Variants in MRGPRF observed in about 807,000 individuals in gnomAD.
MRGPRF encodes MAS related GPR family member F, also known as mas-related G protein-coupled receptor member F.
A neutral mutation model predicts 3.3 loss-of-function variants in MRGPRF; 2 were observed. That is an observed-to-expected ratio of 0.61 (90% CI 0.25 to 1.92). The LOEUF (loss-of-function observed/expected upper bound fraction) is 1.92. Among genes scored for constraint, MRGPRF ranks in the 40% most tolerant of loss-of-function variants. MRGPRF has a pLI of 0.16. For synonymous variants in MRGPRF, 242 were observed against 222.7 expected, an observed-to-expected ratio of 1.09 and a Z score of -0.77; for missense variants, 500 against 476.0, an observed-to-expected ratio of 1.05 and a Z score of -0.47.
In MRGPRF at chr11:69,007,187, G is replaced by A. The variant is rs999418961; in HGVS notation, c.49-926C>T. Reference sequence around the variant, plus strand: ...AGATACAGGCTATTTGGGCATCAAGGGCTTGGTGTCTGCAATTTACTTTTG... The same window carrying A: ...AGATACAGGCTATTTGGGCATCAAGAGCTTGGTGTCTGCAATTTACTTTTG... On this transcript the variant is annotated intron_variant, in intron 2 of 2. Coordinates refer to ENST00000309099, the MANE Select transcript of MRGPRF (RefSeq NM_145015.5). Among the ~76,000 whole-genome samples the A allele has an allele frequency of 2.6e-5, 4 of 152,306 alleles. No individual in the cohort carries two copies. In the South Asian group the frequency reaches 8.3e-4, roughly 32 times the overall value.
chr11:69,013,254 G>A (rs913406296), upstream of MRGPRF: 1 of 152,424 alleles, frequency 6.6e-6, no homozygotes, highest in African/African-American at 2.4e-5. Flanking sequence ...GATGGCTTTG[G>A]AAGCAGAACC....
chr11:69,009,069 C>G (rs192006371), intron 2 of MRGPRF, among the ~76,000 whole-genome samples: 7 of 152,314 alleles, frequency 4.6e-5, no homozygotes, highest in Admixed American at 4.6e-4. Flanking sequence ...CTGCCTCCTG[C>G]GGCCGCCACT....
chr11:69,006,334 CGT>C (rs1307325216), intron 2 of MRGPRF, 73 bp from the exon 3 acceptor site: 2 of 1,073,040 alleles, frequency 1.9e-6, no homozygotes, highest in African/African-American at 5.1e-5. Context: ...TGGGGCCCAG[CGT>C]GGGGGAGGGG....
intron 2 of MRGPRF, 71 bp downstream of exon 2, chr11:69,009,783 C>T: frequency 1.3e-6 from 2 of 1,543,672 alleles, no homozygotes; most frequent in Non-Finnish European, 1.8e-6. Flanking sequence ...GGAGGAGATG[C>T]TGGGCTGGGT....
intron 2 of MRGPRF, among the ~76,000 whole-genome samples, chr11:69,007,522 C>T (rs962828437): frequency 6.6e-5 from 10 of 152,126 alleles, no homozygotes; most frequent in African/African-American, 2.4e-4. Context: ...AATTTACTTT[C>T]AAATCATTCT....
chr11:69,004,936 A>T lies in MRGPRF; in HGVS notation c.*342T>A. 1 of 265,282 alleles carries T rather than the reference A, an allele frequency of 3.8e-6. No homozygotes were observed. Among genetic ancestry groups the T allele is most frequent in the Non-Finnish European group, 7.1e-6 (1 of 140,364 alleles). The allele number at this position is 265,282 out of a possible 1,614,324, so 16.4% of individuals were successfully genotyped here. A position where few individuals can be genotyped will look rare whatever the true frequency, so the allele number is the denominator to read the frequency against. ...GGACACAGTCAAGGAGGGCTGACCC[A>T]AGAGGCAGAGGTGGCTAGGCTGGGT... On this transcript the variant is annotated 3_prime_UTR_variant, in exon 3 of 3. Transcript: ENST00000309099.
At chr11:69,011,701 C>G (rs1860600760) in intron 1 of MRGPRF, among the ~76,000 whole-genome samples, 2 of 152,202 alleles carry the variant, frequency 1.3e-5, no homozygotes, top group South Asian at 4.1e-4. Context: ...CAAGCTCTCT[C>G]CATTGCCCCT....
chr11:69,010,753 G>T (rs1251080382), intron 1 of MRGPRF, among the ~76,000 whole-genome samples: 1 of 152,070 alleles, frequency 6.6e-6, no homozygotes, highest in East Asian at 1.9e-4. Context: ...CCACCCTAGG[G>T]CTGCCAATGG....
intron 1 of MRGPRF, among the ~76,000 whole-genome samples, chr11:69,011,131 G>A (rs1227594225): frequency 6.6e-6 from 1 of 152,038 alleles, no homozygotes; most frequent in Admixed American, 6.5e-5. Flanking sequence ...GCCTCAGCCA[G>A]CCACGTGCCC....
At chr11:69,011,231 G>T (rs367836599) in intron 1 of MRGPRF, among the ~76,000 whole-genome samples, 26 of 152,300 alleles carry the variant, frequency 1.7e-4, no homozygotes, top group African/African-American at 5.1e-4. Context: ...CCGTCTGCGC[G>T]TGTGGCCCGC....
chr11:69,009,272 C>A, intron 2 of MRGPRF: 1 of 278,316 alleles, frequency 3.6e-6, no homozygotes, highest in Non-Finnish European at 6.7e-6. Flanking sequence ...AGAGATCCTT[C>A]GAAGTTGAGA....
At chr11:69,008,601 T>TA (rs1363336364) in intron 2 of MRGPRF, among the ~76,000 whole-genome samples, 1 of 152,194 alleles carries the variant, frequency 6.6e-6, no homozygotes, top group Non-Finnish European at 1.5e-5. Context: ...GCAAGCACTG[T>TA]AAGGGGGCCC....
Position 69,005,367 on chromosome 11 carries a change from G to A in MRGPRF, c.943C>T (p.Arg315Trp), listed in dbSNP as rs1274824700. 1 of 1,569,496 alleles carries A rather than the reference G, an allele frequency of 6.4e-7. No homozygotes were observed. The highest frequency in any genetic ancestry group is 8.6e-7 in the Non-Finnish European group (1 of 1,158,252). The change falls in exon 3 of 3, where the codon CGG becomes TGG. Residue 315 changes from arginine (R) to tryptophan (W), a missense_variant. By Grantham distance (101) the Arg-to-Trp change is moderately radical. Transcript: ENST00000309099. ...PLRVVFQRAL[R>W]DGAELGEAGG... ...GCCTCCCCCAGCTCAGCGCCGTCCCGCAGGGCCCGCTGGAAGACCACCCTG... is the reference window on the plus strand; with the variant it reads ...GCCTCCCCCAGCTCAGCGCCGTCCCACAGGGCCCGCTGGAAGACCACCCTG...
At chr11:69,009,998 G>C in intron 1 of MRGPRF, 41 bp from the exon 2 acceptor site, 1 of 1,371,062 alleles carries the variant, frequency 7.3e-7, no homozygotes. Context: ...GGACAGCAGG[G>C]ACCCCTCCCC....
chr11:69,005,886 A>G lies in MRGPRF; in HGVS notation c.424T>C (p.Cys142Arg). 6.4e-7 allele frequency: 1 copy of G among 1,567,046 alleles called. No homozygotes were observed. Among genetic ancestry groups the G allele is most frequent in the Non-Finnish European group, 8.6e-7 (1 of 1,157,970 alleles). The change falls in exon 3 of 3, where the codon TGC (cysteine) becomes CGC (arginine). Residue 142 changes from cysteine to arginine, a missense_variant. Coordinates refer to ENST00000309099, the MANE Select transcript of MRGPRF (RefSeq NM_145015.5). ...SLLPAVSAER[C>R]ASVIFPAWYW... ...CAGGCGGGGAAGATGACCGAGGCGC[A>G]GCGCTCGGCGCTGACGGCCGGCAGG...
intron 1 of MRGPRF, among the ~76,000 whole-genome samples, chr11:69,011,147 C>G (rs752910984): frequency 1.6e-4 from 24 of 152,128 alleles, no homozygotes; most frequent in Non-Finnish European, 2.6e-4. Context: ...TGCCCCCGCC[C>G]GCCGCGCACT....
chr11:69,006,449 A>T (rs561762066), intron 2 of MRGPRF, among the ~76,000 whole-genome samples, 188 bp from the exon 3 acceptor site: 147 of 152,128 alleles, frequency 9.7e-4, no homozygotes, highest in African/African-American at 3.5e-3. Context: ...CCCTGACCTC[A>T]CCTGATGTTA....
At chr11:69,010,968 G>A (rs1210671215) in intron 1 of MRGPRF, among the ~76,000 whole-genome samples, 1 of 152,298 alleles carries the variant, frequency 6.6e-6, no homozygotes, top group Non-Finnish European at 1.5e-5. Flanking sequence ...TGTACTGGGG[G>A]GGTAAACTGA....
intron 2 of MRGPRF, chr11:69,009,281 G>A (rs1029094120): frequency 3.3e-6 from 1 of 306,130 alleles, no homozygotes; most frequent in Admixed American, 4.9e-5. Flanking sequence ...TCGAAGTTGA[G>A]AGCGAAGGAA....
Sources: allele counts gnomAD v4.1 joint callset (sites outside exome capture counted in the v4.1 genomes callset), GRCh38; gene constraint gnomAD v4.1.1; transcripts MANE v1.5; gene names NCBI Gene and HGNC (gene_info 2026-07-23, HGNC 2026-07-21).